Variants in SDK1 observed in about 807,000 individuals in gnomAD.
SDK1 encodes the protein protein sidekick-1.
In SDK1, 157 loss-of-function variants were observed where a neutral mutation model predicts 245.5. The observed-to-expected ratio is 0.64, with a 90% CI of 0.56 to 0.73. The LOEUF is 0.73. Ranked by LOEUF, SDK1 falls within the 30% of genes least tolerant of loss-of-function variation. The pLI is 0.00. For synonymous variants in SDK1, 1,647 were observed against 1,278.5 expected (o/e 1.29, Z -6.15); for missense variants, 3,583 against 3,002.3 (o/e 1.19, Z -4.52).
intron 1 of SDK1, among the ~76,000 whole-genome samples, chr7:3,389,755 A>G (rs956212110): frequency 9.8e-5 from 1 of 10,184 alleles, no homozygotes; most frequent in Non-Finnish European, 1.9e-4. Context: ...CAACAGAAAT[A>G]AACAAAAACA....
At chr7:4,158,421 G>C in intron 30 of SDK1, 27 bp from the exon 31 acceptor site, 3 of 1,580,252 alleles carry the variant, frequency 1.9e-6, no homozygotes, top group Non-Finnish European at 2.6e-6. Context: ...CAGGGCCCCG[G>C]CAGTCACGGT....
chr7:3,672,593 A>G (rs1172811807), intron 4 of SDK1, among the ~76,000 whole-genome samples: 1 of 142,302 alleles, frequency 7.0e-6, no homozygotes, highest in Non-Finnish European at 1.5e-5. Context: ...ATATATATAT[A>G]TAATATATAT....
At chr7:3,628,920 A>C (rs1029515747) in intron 2 of SDK1, among the ~76,000 whole-genome samples, 2 of 152,116 alleles carry the variant, frequency 1.3e-5, no homozygotes, top group Admixed American at 6.5e-5. Flanking sequence ...CAGAACCTAG[A>C]GGACCTTCTG....
At chr7:3,843,048 T>C (rs558607613) in intron 5 of SDK1, among the ~76,000 whole-genome samples, 6 of 152,256 alleles carry the variant, frequency 3.9e-5, no homozygotes, top group South Asian at 2.1e-4. Context: ...AAAACCCATG[T>C]GTAATGAAGA....
Position 3,884,074 on chromosome 7 carries a change from TG to T in SDK1, c.847+62492del, listed in dbSNP as rs1283265043. Among the ~76,000 whole-genome samples, 259 of 141,482 alleles carry T rather than the reference TG, an allele frequency of 1.8e-3. 3 individuals carry two copies. The South Asian group carries it at 0.025, about 14-fold the overall frequency. 92.8% of individuals were successfully genotyped at this position (141,482 alleles called of 152,430 possible). ...TTTGTTTGTTTGTTTTTTGTTTGTT[TG>T]TTTTTTTGTTTTTTTTTTTTTTTGA... is the stretch of plus-strand genomic sequence containing the variant. On this transcript the variant is annotated intron_variant, in intron 5 of 44. Coordinates refer to ENST00000404826, the MANE Select transcript of SDK1 (RefSeq NM_152744.4).
chr7:3,744,911 C>T (rs947555823), intron 4 of SDK1, among the ~76,000 whole-genome samples: 4 of 152,094 alleles, frequency 2.6e-5, no homozygotes, highest in African/African-American at 9.7e-5. Flanking sequence ...TAAAGAACTG[C>T]TTTTTTTGTG....
At chr7:3,987,074 T>C in intron 13 of SDK1, 112 bp from the exon 14 acceptor site, 6 of 1,038,560 alleles carry the variant, frequency 5.8e-6, no homozygotes, top group Non-Finnish European at 8.6e-6. Context: ...TATTTTATGT[T>C]ATTCATTTCC....
intron 4 of SDK1, among the ~76,000 whole-genome samples, chr7:3,806,818 G>T (rs899877635): frequency 6.6e-6 from 1 of 152,054 alleles, no homozygotes; most frequent in Non-Finnish European, 1.5e-5. Context: ...AGTAGCTGCT[G>T]CCCCTTTTTC....
chr7:3,561,613 A>G (rs1295089336), intron 1 of SDK1, among the ~76,000 whole-genome samples: 1 of 152,192 alleles, frequency 6.6e-6, no homozygotes, highest in African/African-American at 2.4e-5. Context: ...CTCAGTAAAT[A>G]ATTTCTGAAT....
At chr7:4,180,282 T>TCCAG (rs1235287526) in intron 35 of SDK1, among the ~76,000 whole-genome samples, 6 of 149,704 alleles carry the variant, frequency 4.0e-5, no homozygotes, top group African/African-American at 1.5e-4. Context: ...AGTACCCGGC[T>TCCAG]CTAGCTCTAT....
chr7:4,044,353 A>G (rs1021362899), intron 17 of SDK1, among the ~76,000 whole-genome samples: 3 of 152,200 alleles, frequency 2.0e-5, no homozygotes, highest in Non-Finnish European at 4.4e-5. Context: ...ATCATACTCT[A>G]TTGGTCAAGC....
chr7:4,086,922 C>G (rs1046321152), intron 22 of SDK1, among the ~76,000 whole-genome samples: 14 of 151,700 alleles, frequency 9.2e-5, no homozygotes, highest in African/African-American at 3.4e-4. Context: ...TTGGCTGGAT[C>G]ACAAGGCAAA....
chr7:4,027,177 A>G (rs1787423793), intron 17 of SDK1, among the ~76,000 whole-genome samples: 1 of 152,186 alleles, frequency 6.6e-6, no homozygotes, highest in Non-Finnish European at 1.5e-5. Context: ...GGTCCAGTGA[A>G]GGCTGCCGAG....
chr7:3,314,631 G>GA (rs1451619083), intron 1 of SDK1, among the ~76,000 whole-genome samples: 60 of 152,178 alleles, frequency 3.9e-4, no homozygotes, highest in African/African-American at 1.4e-3. Flanking sequence ...CTGTATCATG[G>GA]AATGTTATAG....
At chr7:4,166,192 G>A (rs546121107) in intron 32 of SDK1, among the ~76,000 whole-genome samples, 24 of 152,352 alleles carry the variant, frequency 1.6e-4, no homozygotes, top group African/African-American at 5.3e-4. Flanking sequence ...CCAGAGGAGG[G>A]TTACATCTGC....
intron 1 of SDK1, among the ~76,000 whole-genome samples, chr7:3,529,624 C>T (rs779364747): frequency 1.3e-5 from 2 of 152,036 alleles, no homozygotes; most frequent in Non-Finnish European, 2.9e-5. Flanking sequence ...AAAAAAATCA[C>T]CATTTGGCAA....
intron 4 of SDK1, among the ~76,000 whole-genome samples, chr7:3,660,635 G>T (rs1783321903): frequency 6.6e-6 from 1 of 152,084 alleles, no homozygotes; most frequent in African/African-American, 2.4e-5. Flanking sequence ...AAGCCTTCTG[G>T]AAAAAAATGT....
At chr7:3,364,598 A>G (rs1337262230) in intron 1 of SDK1, among the ~76,000 whole-genome samples, 1 of 151,982 alleles carries the variant, frequency 6.6e-6, no homozygotes, top group Non-Finnish European at 1.5e-5. Flanking sequence ...ATATCTGTTC[A>G]TCTGTTTTTG....
chr7:3,769,936 C>G (rs894914139), intron 4 of SDK1, among the ~76,000 whole-genome samples: 27 of 144,744 alleles, frequency 1.9e-4, no homozygotes, highest in East Asian at 6.2e-4. Context: ...TACTTATTGT[C>G]TGTGTGTGTG....
Sources: allele counts gnomAD v4.1 joint callset (sites outside exome capture counted in the v4.1 genomes callset), GRCh38; gene constraint gnomAD v4.1.1; transcripts MANE v1.5; gene names NCBI Gene and HGNC (gene_info 2026-07-23, HGNC 2026-07-21).